KLHL24: variants seen among roughly 807,000 people sequenced by gnomAD.
The protein encoded by KLHL24 is kelch like family member 24.
In KLHL24, 29 loss-of-function variants were observed where a neutral mutation model predicts 53.4. The ratio of observed to expected loss-of-function variants is 0.54; its 90% CI spans 0.40 to 0.74. The LOEUF is 0.74. Ranked by LOEUF, KLHL24 falls within the 30% of genes least tolerant of loss-of-function variation. KLHL24 has a pLI of 0.00. For synonymous variants in KLHL24, 222 were observed against 253.7 expected (o/e 0.88, Z 1.19); for missense variants, 504 against 744.0 (o/e 0.68, Z 3.75).
chr3:183,642,485 A>G (rs536114007), intron 1 of KLHL24, among the ~76,000 whole-genome samples: 1 of 151,976 alleles, frequency 6.6e-6, no homozygotes, highest in African/African-American at 2.4e-5. Flanking sequence ...TACAAGTTCT[A>G]TTTAAAGATA....
intron 3 of KLHL24, among the ~76,000 whole-genome samples, chr3:183,658,999 T>A (rs1483487752): frequency 6.6e-6 from 1 of 152,044 alleles, no homozygotes; most frequent in Non-Finnish European, 1.5e-5. Flanking sequence ...AGAGACAGAG[T>A]CTCACTTTGT....
chr3:183,654,726 A>C (rs993344092), intron 3 of KLHL24, among the ~76,000 whole-genome samples: 5 of 152,108 alleles, frequency 3.3e-5, no homozygotes, highest in African/African-American at 1.2e-4. Context: ...TTTACTTCAA[A>C]ACAGTTTCTT....
chr3:183,648,984 C>T (rs1233528123), intron 2 of KLHL24, among the ~76,000 whole-genome samples: 2 of 145,818 alleles, frequency 1.4e-5, no homozygotes, highest in Non-Finnish European at 3.0e-5. Context: ...GCCTGGGTGA[C>T]AGAATGAGAC....
At chr3:183,635,991 G>A (rs768671806) in intron 1 of KLHL24, among the ~76,000 whole-genome samples, 198 bp downstream of exon 1, 5 of 152,168 alleles carry the variant, frequency 3.3e-5, no homozygotes, top group Non-Finnish European at 7.4e-5. Context: ...TCCCCCGCTT[G>A]GTAGCTACAG....
At chr3:183,645,455 T>A (rs1366942433) in intron 2 of KLHL24, among the ~76,000 whole-genome samples, 2 of 152,230 alleles carry the variant, frequency 1.3e-5, no homozygotes, top group Non-Finnish European at 2.9e-5. Context: ...AATGTTAAGC[T>A]GTGTGTATGC....
intron 2 of KLHL24, among the ~76,000 whole-genome samples, chr3:183,648,692 G>A (rs140973720): frequency 1.3e-5 from 2 of 152,110 alleles, no homozygotes; most frequent in East Asian, 1.9e-4. Context: ...TAGAAGAATC[G>A]CCTTAAAATT....
intron 7 of KLHL24, among the ~76,000 whole-genome samples, chr3:183,676,789 A>G (rs1711964316): frequency 6.6e-6 from 1 of 152,136 alleles, no homozygotes; most frequent in Non-Finnish European, 1.5e-5. Context: ...CTCTCTCTTC[A>G]GTAGACCAGG....
At chr3:183,643,086 T>A (rs2108769512) in intron 1 of KLHL24, 1 of 152,230 alleles carries the variant, frequency 6.6e-6, no homozygotes, top group South Asian at 2.1e-4. Context: ...CAAAATTAGC[T>A]GGGCATGGCG....
intron 3 of KLHL24, among the ~76,000 whole-genome samples, chr3:183,655,690 C>T (rs926539244): frequency 1.3e-4 from 20 of 152,026 alleles, no homozygotes; most frequent in African/African-American, 3.4e-4. Flanking sequence ...TTTGGGAGGC[C>T]GAGGCGGGCA....
rs1247948683 is a variant in KLHL24, at chr3:183,682,999, T to G, written c.*3713T>G. The G allele has an allele frequency of 6.7e-6, 1 of 148,218 alleles. No homozygotes were observed. The highest frequency in any genetic ancestry group is 1.5e-5 in the Non-Finnish European group (1 of 67,428). The allele number at this position is 148,218 out of a possible 1,614,324, so 9.2% of individuals were successfully genotyped here. A position where few individuals can be genotyped will look rare whatever the true frequency, so the allele number is the denominator to read the frequency against. ...TCTTGCTCTGTCGCCCAGGCTGGAG[T>G]GCAGTGGCGCGATCTCAGCTGACTG... On this transcript the variant is annotated 3_prime_UTR_variant, in exon 8 of 8. Transcript: ENST00000242810.
intron 5 of KLHL24, among the ~76,000 whole-genome samples, chr3:183,666,820 T>G (rs186969684): frequency 6.6e-6 from 1 of 152,256 alleles, no homozygotes; most frequent in Admixed American, 6.5e-5. Flanking sequence ...ATACAACAGT[T>G]GTACCAAGGA....
intron 3 of KLHL24, among the ~76,000 whole-genome samples, chr3:183,655,863 A>G (rs6791677): frequency 0.33 from 50,501 of 151,380 alleles, 9,237 homozygotes; most frequent in African/African-American, 0.49. Flanking sequence ...CCTGGGAGGC[A>G]GAGATTGCAG....
chr3:183,667,793 T>C (rs9841090), intron 5 of KLHL24, among the ~76,000 whole-genome samples: 50,527 of 151,612 alleles, frequency 0.33, 9,220 homozygotes, highest in African/African-American at 0.49. Flanking sequence ...CATGGCTCAC[T>C]GCAGCCTGGA....
intron 1 of KLHL24, among the ~76,000 whole-genome samples, chr3:183,637,173 G>A (rs1486226730): frequency 6.6e-6 from 1 of 152,144 alleles, no homozygotes; most frequent in Admixed American, 6.5e-5. Context: ...TGCTCTTGTG[G>A]GCAGCTTTTC....
rs1250836247 is a variant in KLHL24, at chr3:183,680,218, A to G, written c.*932A>G. 1 of 152,322 alleles carries G rather than the reference A, an allele frequency of 6.6e-6. No individual in the cohort carries two copies. Among genetic ancestry groups the G allele is most frequent in the South Asian group, 2.1e-4 (1 of 4,834 alleles). The allele number at this position is 152,322 out of a possible 1,614,324, so 9.4% of individuals were successfully genotyped here. On this transcript the variant is annotated 3_prime_UTR_variant, in exon 8 of 8. Coordinates refer to ENST00000242810, the MANE Select transcript of KLHL24 (RefSeq NM_017644.3). Reference sequence around the variant, plus strand: ...TGGGGCAGGAGGATTGCTTGAGCCCAGGAGTCTGAGGCTACAGTGAGCTAT... The same window carrying G: ...TGGGGCAGGAGGATTGCTTGAGCCCGGGAGTCTGAGGCTACAGTGAGCTAT...
In KLHL24 at chr3:183,681,465, C is replaced by G. The variant is rs964255805; in HGVS notation, c.*2179C>G. 2.0e-5 allele frequency: 3 copies of G among 151,850 alleles called. No homozygotes were observed. The highest frequency in any genetic ancestry group is 4.4e-5 in the Non-Finnish European group (3 of 67,716). The allele number at this position is 151,850 out of a possible 1,614,324, so 9.4% of individuals were successfully genotyped here. A position where few individuals can be genotyped will look rare whatever the true frequency, so the allele number is the denominator to read the frequency against. On this transcript the variant is annotated 3_prime_UTR_variant, in exon 8 of 8. Coordinates refer to ENST00000242810, the MANE Select transcript of KLHL24 (RefSeq NM_017644.3). ...AACTATTTACTTTTATTTTGTTATA[C>G]ATTTATTTTAATATCCATGTGTTTA...
At chr3:183,674,281 T>TTCTTTC (rs1721803708) in intron 7 of KLHL24, among the ~76,000 whole-genome samples, 1 of 151,080 alleles carries the variant, frequency 6.6e-6, no homozygotes, top group Non-Finnish European at 1.5e-5. Flanking sequence ...CTTTCTTTCT[T>TTCTTTC]TCTTTCTTTC....
At chr3:183,653,972 C>T (rs1266706595) in intron 3 of KLHL24, among the ~76,000 whole-genome samples, 1 of 152,158 alleles carries the variant, frequency 6.6e-6, no homozygotes, top group East Asian at 1.9e-4. Flanking sequence ...TACAGGTTCT[C>T]ATCTTTCTGA....
rs1302544477 is a variant in KLHL24, at chr3:183,682,491, G to A, written c.*3205G>A. 1.3e-5 allele frequency: 2 copies of A among 152,432 alleles called. No individual in the cohort carries two copies. Among genetic ancestry groups the A allele is most frequent in the African/African-American group, 4.8e-5 (2 of 41,378 alleles). The allele number at this position is 152,432 out of a possible 1,614,324, so 9.4% of individuals were successfully genotyped here. A position where few individuals can be genotyped will look rare whatever the true frequency, so the allele number is the denominator to read the frequency against. On this transcript the variant is annotated 3_prime_UTR_variant, in exon 8 of 8. Coordinates refer to ENST00000242810, the MANE Select transcript of KLHL24 (RefSeq NM_017644.3). ...TAAGATGATGTAAATACTCAGGGAG[G>A]GTATTAACTTGTTACTTTTGCTCGT...
Sources: allele counts gnomAD v4.1 joint callset (sites outside exome capture counted in the v4.1 genomes callset), GRCh38; gene constraint gnomAD v4.1.1; transcripts MANE v1.5; gene names NCBI Gene and HGNC (gene_info 2026-07-23, HGNC 2026-07-21).